The following CENPK variants were observed in gnomAD, a reference collection of about 807,000 sequenced individuals.
CENPK encodes the protein centromere protein K.
A neutral mutation model predicts 40.9 loss-of-function variants in CENPK; 46 were observed. That is an observed-to-expected ratio of 1.13 (90% CI 0.89 to 1.44). The LOEUF (loss-of-function observed/expected upper bound fraction) is 1.44, where lower values mean the gene tolerates loss of function less well. Among genes scored for constraint, CENPK ranks in the 40% most tolerant of loss-of-function variants. The pLI is 0.00. For missense variants in CENPK, 288 were observed against 303.5 expected (o/e 0.95, Z 0.38); for synonymous variants, 107 against 104.4 (o/e 1.02, Z -0.15).
At chr5:65,552,436 C>T (rs191028228) in intron 4 of CENPK, 57 bp downstream of exon 4, 2 of 1,125,580 alleles carry the variant, frequency 1.8e-6, no homozygotes, top group Admixed American at 2.4e-5. Context: ...TATTTATTTT[C>T]CAAAATACAA....
At chr5:65,503,814 G>A in the CENPK span, among the ~76,000 whole-genome samples, 41 of 151,768 alleles carry the variant, frequency 2.7e-4, no homozygotes, top group African/African-American at 9.9e-4. Flanking sequence ...GTGCCACCAC[G>A]CCTGGCTAAT....
At chr5:65,555,022 T>C in intron 2 of CENPK, 76 bp from the exon 3 acceptor site, 1 of 719,486 alleles carries the variant, frequency 1.4e-6, no homozygotes, top group Admixed American at 2.4e-5. Context: ...ATCTAGGGGG[T>C]AAGAATATAG....
the CENPK span, among the ~76,000 whole-genome samples, chr5:65,501,165 G>C: frequency 7.3e-6 from 1 of 137,544 alleles, no homozygotes; most frequent in African/African-American, 2.7e-5. Context: ...GTTTGCAATT[G>C]CTAAGTTTGT....
intron 5 of CENPK, among the ~76,000 whole-genome samples, chr5:65,549,048 T>A (rs1749514138): frequency 6.6e-6 from 1 of 152,206 alleles, no homozygotes; most frequent in Non-Finnish European, 1.5e-5. Flanking sequence ...TTACGAAGTG[T>A]ATTTCTTAAA....
chr5:65,514,263 GTTT>G (rs59636233), downstream of CENPK, among the ~76,000 whole-genome samples: 5 of 27,734 alleles, frequency 1.8e-4, no homozygotes, highest in Admixed American at 9.7e-4. Context: ...TTTTTTTTTA[GTTT>G]TTTTTAGTTT....
chr5:65,517,304 G>A (rs1442582276), downstream of CENPK, among the ~76,000 whole-genome samples: 2 of 151,976 alleles, frequency 1.3e-5, no homozygotes, highest in Admixed American at 6.6e-5. Context: ...AGTACTTCAC[G>A]GACAACAGTA....
the CENPK span, among the ~76,000 whole-genome samples, chr5:65,507,524 T>C: frequency 8.5e-5 from 13 of 152,156 alleles, no homozygotes; most frequent in Non-Finnish European, 1.8e-4. Flanking sequence ...ACTAGAAAAG[T>C]GTTATGTTTA....
At chr5:65,528,398 C>T (rs1745123355) in intron 9 of CENPK, 54 bp downstream of exon 9, 3 of 1,522,972 alleles carry the variant, frequency 2.0e-6, no homozygotes, top group Admixed American at 2.2e-5. Context: ...TCTAAACCCA[C>T]CTAAAATAAT....
rs1470937743 is a variant in CENPK at position 65,529,536 on chromosome 5, G to A, written c.289-337C>T. The A allele has an allele frequency of 2.1e-5, 4 of 186,810 alleles. No homozygotes were observed. In the East Asian group the frequency reaches 6.4e-4, roughly 30 times the overall value. The allele number at this position is 186,810 out of a possible 1,614,324, so 11.6% of individuals were successfully genotyped here. ...ACAGTCTCACTCTGTCACCCAGGCT[G>A]GAGGGCAGTGGTGCCATCTCAGCTC... On this transcript the variant is annotated intron_variant, in intron 6 of 10. Transcript: ENST00000396679.
downstream of CENPK, among the ~76,000 whole-genome samples, chr5:65,517,250 A>G (rs1473064599): frequency 6.6e-6 from 1 of 152,146 alleles, no homozygotes; most frequent in Admixed American, 6.6e-5. Flanking sequence ...GCTCAATTAC[A>G]TATTTTTAAT....
chr5:65,518,425 T>C lies in CENPK; in HGVS notation c.*50A>G, dbSNP rs774559990. On this transcript the variant is annotated 3_prime_UTR_variant, in exon 11 of 11. Transcript: ENST00000396679. ...TATCCAAATAGTCCTGTGGTTCCAA[T>C]ATCCTTGAATGATAAGAATTTTTAC... The C allele has an allele frequency of 7.1e-6, 11 of 1,552,370 alleles. No individual in the cohort carries two copies. Among genetic ancestry groups the C allele is most frequent in the Non-Finnish European group, 9.6e-6 (11 of 1,142,290 alleles).
chr5:65,553,493 C>A (rs1750478892), intron 3 of CENPK, among the ~76,000 whole-genome samples: 1 of 152,138 alleles, frequency 6.6e-6, no homozygotes, highest in Non-Finnish European at 1.5e-5. Flanking sequence ...CTCTAGTGTA[C>A]CAAAGGCAGT....
At position 65,554,811 on chromosome 5, in the gene CENPK, T is replaced by C. The variant is rs1263513424; in HGVS notation, c.97A>G (p.Lys33Glu). Residue 33 changes from lysine to glutamate, a missense_variant, in exon 3 of 11, where the codon AAA (lysine) becomes GAA (glutamate). Physicochemically the swap from Lys to Glu is moderately conservative, Grantham distance 56. Transcript: ENST00000396679. ...ELIRECEEMW[K>E]DMEECQNKLS... ...TTGAAACTTACTTCTTCCATATCTT[T>C]CCACATTTCTTCACATTCTCTAATA... 5.8e-6 allele frequency: 9 copies of C among 1,556,096 alleles called. No homozygotes were observed. The highest frequency in any genetic ancestry group is 8.0e-6 in the Non-Finnish European group (9 of 1,127,876).
intron 2 of CENPK, among the ~76,000 whole-genome samples, chr5:65,560,698 G>C (rs1751811385): frequency 6.6e-6 from 1 of 152,050 alleles, no homozygotes; most frequent in South Asian, 2.1e-4. Flanking sequence ...ATTCAGAATG[G>C]CAATAATGTA....
chr5:65,553,409 T>G (rs10050677), intron 3 of CENPK, among the ~76,000 whole-genome samples: 103,904 of 151,632 alleles, frequency 0.69, 36,106 homozygotes, highest in East Asian at 0.89. Flanking sequence ...GTTTGTGTCG[T>G]GCTGCATTCA....
chr5:65,522,646 G>C (rs1743995671), intron 9 of CENPK, among the ~76,000 whole-genome samples: 1 of 152,138 alleles, frequency 6.6e-6, no homozygotes, highest in Non-Finnish European at 1.5e-5. Context: ...GTCCAAGCTG[G>C]TCTCAAATTT....
chr5:65,529,068 G>A lies in CENPK; in HGVS notation c.371+49C>T, dbSNP rs1412959973. 1.3e-5 allele frequency: 20 copies of A among 1,537,868 alleles called. No individual in the cohort carries two copies. In the East Asian group the frequency reaches 2.7e-4, roughly 21 times the overall value. On this transcript the variant is annotated intron_variant, in intron 7 of 10. Transcript: ENST00000396679. Reference sequence around the variant, plus strand: ...GCAATATCTAAATAAAACTTTAAATGTCACTTAATATATATGAATGATTAA... The same window carrying A: ...GCAATATCTAAATAAAACTTTAAATATCACTTAATATATATGAATGATTAA...
At chr5:65,530,911 A>C (rs1745676349) in intron 6 of CENPK, among the ~76,000 whole-genome samples, 1 of 152,158 alleles carries the variant, frequency 6.6e-6, no homozygotes, top group Admixed American at 6.5e-5. Context: ...CCCTGCCTCA[A>C]CAACAACAAA....
chr5:65,520,854 G>C lies in CENPK; in HGVS notation c.651+621C>G, dbSNP rs376427742. On this transcript the variant is annotated intron_variant, in intron 10 of 10. Transcript: ENST00000396679. Reference sequence around the variant, plus strand: ...TTTTCCTTTCTGCCCAATTTACCATGAATTGTCATATCAAGATCTTCCAAA... The same window carrying C: ...TTTTCCTTTCTGCCCAATTTACCATCAATTGTCATATCAAGATCTTCCAAA... 9.9e-5 allele frequency among the ~76,000 whole-genome samples: 15 copies of C among 152,220 alleles called. No individual in the cohort carries two copies. In the East Asian group the frequency reaches 2.7e-3, roughly 27 times the overall value.
Sources: gnomAD v4.1 joint callset for allele counts (sites outside exome capture counted in the v4.1 genomes callset) on GRCh38, gnomAD v4.1.1 for gene constraint, MANE v1.5 for transcripts, NCBI Gene and HGNC (gene_info 2026-07-23, HGNC 2026-07-21) for gene names.